Variants in TLN2 observed in about 807,000 individuals in gnomAD.
TLN2 encodes talin 2.
A neutral mutation model predicts 294.7 loss-of-function variants in TLN2; 118 were observed. That is an observed-to-expected ratio of 0.40 (90% CI 0.34 to 0.47). The LOEUF (loss-of-function observed/expected upper bound fraction) is 0.47. Among genes scored for constraint, TLN2 ranks in the 20% least tolerant of loss-of-function variants. The pLI is 0.84. For missense variants in TLN2, 3,083 were observed against 3,282.2 expected, an observed-to-expected ratio of 0.94 and a Z score of 1.48; for synonymous variants, 1,431 against 1,304.5, an observed-to-expected ratio of 1.10 and a Z score of -2.09.
At chr15:62,693,854 A>C (rs1365700855) in intron 13 of TLN2, among the ~76,000 whole-genome samples, 1 of 151,754 alleles carries the variant, frequency 6.6e-6, no homozygotes, top group Non-Finnish European at 1.5e-5. Context: ...CTTACTAAAT[A>C]TCCAGTATAA....
At chr15:62,724,913 A>G in intron 26 of TLN2, 63 bp from the exon 27 acceptor site, 1 of 1,547,698 alleles carries the variant, frequency 6.5e-7, no homozygotes, top group Non-Finnish European at 8.7e-7. Flanking sequence ...TATAAGTTGC[A>G]AAAGTGTTGG....
chr15:62,429,569 C>T (rs4775500), intron 1 of TLN2, among the ~76,000 whole-genome samples: 28,185 of 151,964 alleles, frequency 0.19, 2,876 homozygotes, highest in Non-Finnish European at 0.22. Context: ...TATTTAATTG[C>T]TGGTGTGTTT....
At chr15:62,601,046 G>A (rs999978469) in intron 2 of TLN2, among the ~76,000 whole-genome samples, 2 of 152,108 alleles carry the variant, frequency 1.3e-5, no homozygotes, top group African/African-American at 4.8e-5. Flanking sequence ...TTTCGTCTTT[G>A]GGCTTCTTCT....
chr15:62,652,361 CAAG>C (rs1249780119), intron 6 of TLN2, among the ~76,000 whole-genome samples: 3 of 152,174 alleles, frequency 2.0e-5, no homozygotes, highest in Non-Finnish European at 2.9e-5. Context: ...CTCTCCAAAA[CAAG>C]AAGATTTTCA....
chr15:62,748,266 G>A (rs1433851675), intron 32 of TLN2, 85 bp from the exon 33 acceptor site: 1 of 1,023,488 alleles, frequency 9.8e-7, no homozygotes, highest in African/African-American at 1.6e-5. Context: ...TGAATTAATT[G>A]TATTTCTGGT....
At chr15:62,504,818 G>GGGGTGTGT (rs1555419722) in intron 1 of TLN2, among the ~76,000 whole-genome samples, 2 of 143,624 alleles carry the variant, frequency 1.4e-5, no homozygotes, top group East Asian at 2.2e-4. Flanking sequence ...TAGTTGGTGG[G>GGGGTGTGT]GTGTGTGTGT....
At chr15:62,559,311 T>G (rs1226172850) in intron 1 of TLN2, among the ~76,000 whole-genome samples, 1 of 152,146 alleles carries the variant, frequency 6.6e-6, no homozygotes, top group Non-Finnish European at 1.5e-5. Flanking sequence ...GGCTACAATC[T>G]AAGTAACTGA....
Position 62,843,107 on chromosome 15 carries a change from A to AAGAG in TLN2, c.*2500_*2503dup, listed in dbSNP as rs3833813. 1 of 152,194 alleles carries AAGAG rather than the reference A, an allele frequency of 6.6e-6. No individual in the cohort carries two copies. Among genetic ancestry groups the AAGAG allele is most frequent in the Admixed American group, 6.5e-5 (1 of 15,272 alleles). 9.4% of individuals were successfully genotyped at this position (152,194 alleles called of 1,614,324 possible). On this transcript the variant is annotated 3_prime_UTR_variant, in exon 59 of 59. Coordinates refer to ENST00000636159, the MANE Select transcript of TLN2 (RefSeq NM_015059.3). ...AGTGTGAACTTTCAGAACACCTAAT[A>AAGAG]AGAGAGTGGTGTCAGAGTAAAAACG...
chr15:62,647,355 G>A lies in TLN2; in HGVS notation c.45G>A (p.Val15=), dbSNP rs779549971. Residue 15 remains valine (V), a synonymous_variant, in exon 4 of 59, where the codon GTG becomes GTA. Coordinates refer to ENST00000636159, the MANE Select transcript of TLN2 (RefSeq NM_015059.3). ...AGATTTGTGTGCGCCACTGCAACGTGGTGAAGACCATGCAGTTTGAACCAT... is the reference window on the plus strand; with the variant it reads ...AGATTTGTGTGCGCCACTGCAACGTAGTGAAGACCATGCAGTTTGAACCAT... ...SLKICVRHCN[V]VKTMQFEPST... The A allele has an allele frequency of 3.1e-6, 5 of 1,614,098 alleles. No homozygotes were observed. In the African/African-American group the frequency reaches 4.0e-5, roughly 13 times the overall value.
chr15:62,767,402 T>C lies in TLN2; in HGVS notation c.5196+980T>C, dbSNP rs573816074. Among the ~76,000 whole-genome samples, 27 of 152,034 alleles carry C rather than the reference T, an allele frequency of 1.8e-4. No homozygotes were observed. In the East Asian group the frequency reaches 5.0e-3, roughly 28 times the overall value. ...TGTTGCCCAGGCTGGAGTGCAGTGG[T>C]GTGATCTCAGCTTACCACAACCTCC... On this transcript the variant is annotated intron_variant, in intron 41 of 58. Transcript: ENST00000636159.
chr15:62,488,986 C>T (rs1213547268), intron 1 of TLN2, among the ~76,000 whole-genome samples: 2 of 152,140 alleles, frequency 1.3e-5, no homozygotes, highest in Non-Finnish European at 2.9e-5. Flanking sequence ...TATGGTGAAA[C>T]CCCGTCTCTA....
intron 1 of TLN2, among the ~76,000 whole-genome samples, chr15:62,464,502 A>G (rs1364749095): frequency 6.6e-6 from 1 of 152,066 alleles, no homozygotes; most frequent in Admixed American, 6.6e-5. Flanking sequence ...CAGCAAACCA[A>G]CATAACACAT....
chr15:62,770,802 C>T (rs572444774), intron 41 of TLN2, among the ~76,000 whole-genome samples, 162 bp from the exon 42 acceptor site: 1 of 152,138 alleles, frequency 6.6e-6, no homozygotes, highest in Non-Finnish European at 1.5e-5. Context: ...AAGAAAGAGT[C>T]CATTAATTAG....
chr15:62,572,163 G>A (rs529118653), intron 1 of TLN2, among the ~76,000 whole-genome samples: 2 of 152,248 alleles, frequency 1.3e-5, no homozygotes, highest in South Asian at 4.2e-4. Flanking sequence ...TGCTCAACTG[G>A]TGGGTGTCCT....
rs1056594166 is a variant in TLN2, at chr15:62,692,872, A to C, written c.1146A>C (p.Ser382=). 7 of 1,613,760 alleles carry C rather than the reference A, an allele frequency of 4.3e-6. No homozygotes were observed. The highest frequency in any genetic ancestry group is 1.7e-5 in the Admixed American group (1 of 59,944). ...GGGAGTATCAGGAAAGCTACTATTCAGTACAAACCACCGAGGGAGAGCAGA... is the reference window on the plus strand; with the variant it reads ...GGGAGTATCAGGAAAGCTACTATTCCGTACAAACCACCGAGGGAGAGCAGA... The part of the protein sequence containing the change: ...DFGEYQESYY[S]VQTTEGEQIS... The change falls in exon 13 of 59, where the codon TCA becomes TCC. Residue 382 remains serine, a synonymous_variant. Transcript: ENST00000636159.
rs756044347 is a variant in TLN2 at position 62,501,852 on chromosome 15, AT to A, written c.-237-87830del. Among the ~76,000 whole-genome samples the A allele has an allele frequency of 7.2e-5, 11 of 152,126 alleles. No homozygotes were observed. In the East Asian group the frequency reaches 1.3e-3, roughly 19 times the overall value. On this transcript the variant is annotated intron_variant, in intron 1 of 58. Coordinates refer to ENST00000636159, the MANE Select transcript of TLN2 (RefSeq NM_015059.3). Reference sequence around the variant, plus strand: ...AATAATCATGTAAGCCTTATGCCTGATTTTTGAGATGATTATTTCCAAGGTA... The same window carrying A: ...AATAATCATGTAAGCCTTATGCCTGATTTTGAGATGATTATTTCCAAGGTA...
intron 2 of TLN2, among the ~76,000 whole-genome samples, chr15:62,614,821 G>A (rs1231377163): frequency 6.6e-6 from 1 of 152,052 alleles, no homozygotes; most frequent in African/African-American, 2.4e-5. Context: ...GTGCTGTGGG[G>A]TGTACAGTTT....
At chr15:62,771,581 G>A (rs1266840715) in intron 42 of TLN2, among the ~76,000 whole-genome samples, 2 of 152,234 alleles carry the variant, frequency 1.3e-5, no homozygotes, top group African/African-American at 4.8e-5. Context: ...AGCCTGTTGT[G>A]TCACCCAGCT....
At chr15:62,463,982 T>G (rs1378730865) in intron 1 of TLN2, among the ~76,000 whole-genome samples, 3 of 152,186 alleles carry the variant, frequency 2.0e-5, no homozygotes, top group Admixed American at 2.0e-4. Flanking sequence ...TTGGTGGGAA[T>G]GAAATTAGTT....
Sources: allele counts gnomAD v4.1 joint callset (sites outside exome capture counted in the v4.1 genomes callset), GRCh38; gene constraint gnomAD v4.1.1; transcripts MANE v1.5; gene names NCBI Gene and HGNC (gene_info 2026-07-23, HGNC 2026-07-21).